The following OTOP1 variants were observed in gnomAD, a reference collection of about 807,000 sequenced individuals.
OTOP1 encodes the protein proton channel OTOP1.
In OTOP1, 59 loss-of-function variants were observed where a neutral mutation model predicts 52.9. The observed-to-expected ratio is 1.12, with a 90% CI of 0.91 to 1.39. The LOEUF is 1.39. Ranked by LOEUF, OTOP1 falls within the 40% of genes most tolerant of loss-of-function variation. OTOP1 has a pLI of 0.00. For synonymous variants in OTOP1, 317 were observed against 337.7 expected (o/e 0.94, Z 0.67); for missense variants, 761 against 800.9 (o/e 0.95, Z 0.60).
chr4:4,208,257 G>A (rs1472917383), intron 2 of OTOP1, among the ~76,000 whole-genome samples: 1 of 152,168 alleles, frequency 6.6e-6, no homozygotes, highest in African/African-American at 2.4e-5. Flanking sequence ...AAATTGTGAG[G>A]GAGGTTTGTA....
At chr4:4,219,904 T>C (rs1408248123) in intron 1 of OTOP1, among the ~76,000 whole-genome samples, 6 of 143,624 alleles carry the variant, frequency 4.2e-5, no homozygotes, top group South Asian at 2.1e-4. Flanking sequence ...TGTATACACA[T>C]ATATGTGTGT....
chr4:4,189,996 T>C (rs570550695), intron 5 of OTOP1, among the ~76,000 whole-genome samples: 12 of 152,340 alleles, frequency 7.9e-5, no homozygotes, highest in African/African-American at 2.6e-4. Context: ...AGAGAAACTA[T>C]GAAATCATAA....
chr4:4,214,871 G>A (rs143927264), intron 1 of OTOP1, among the ~76,000 whole-genome samples: 1 of 152,188 alleles, frequency 6.6e-6, no homozygotes, highest in African/African-American at 2.4e-5. Context: ...CTGGAGGTTG[G>A]TTGCACAAAA....
chr4:4,192,498 T>C (rs80140694), intron 5 of OTOP1, among the ~76,000 whole-genome samples: 7 of 152,380 alleles, frequency 4.6e-5, no homozygotes, highest in Admixed American at 2.0e-4. Flanking sequence ...GTTCATTGCA[T>C]GGCAATAGAA....
intron 4 of OTOP1, among the ~76,000 whole-genome samples, chr4:4,198,384 T>TGATA (rs141024749): frequency 0.069 from 10,456 of 151,890 alleles, 474 homozygotes; most frequent in South Asian, 0.12. Context: ...GATATGTAGA[T>TGATA]GATAGATAGA....
chr4:4,193,117 T>C (rs1716549142), intron 5 of OTOP1, among the ~76,000 whole-genome samples: 1 of 152,096 alleles, frequency 6.6e-6, no homozygotes, highest in Non-Finnish European at 1.5e-5. Flanking sequence ...CTTCCATGGT[T>C]TTCTCTTGCG....
At chr4:4,216,740 G>T (rs971610025) in intron 1 of OTOP1, among the ~76,000 whole-genome samples, 2 of 152,176 alleles carry the variant, frequency 1.3e-5, no homozygotes, top group African/African-American at 4.8e-5. Context: ...GCAAGATGAG[G>T]CGAGGCAGCG....
At position 4,219,895 on chromosome 4, in the gene OTOP1, G is replaced by A. The variant is rs146844388; in HGVS notation, c.403+6567C>T. Among the ~76,000 whole-genome samples the A allele has an allele frequency of 1.9e-3, 266 of 137,988 alleles. 1 individual carries two copies. The highest frequency in any genetic ancestry group is 7.2e-3 in the African/African-American group (251 of 34,978). The allele number at this position is 137,988 out of a possible 152,430, so 90.5% of individuals were successfully genotyped here. A position where few individuals can be genotyped will look rare whatever the true frequency, so the allele number is the denominator to read the frequency against. On this transcript the variant is annotated intron_variant, in intron 1 of 5. Transcript: ENST00000296358. ...CATATATGTATATATACACATATAT[G>A]TATACACATATATGTGTGTATATAC...
At chr4:4,213,621 C>T (rs559969005) in intron 1 of OTOP1, among the ~76,000 whole-genome samples, 2 of 152,256 alleles carry the variant, frequency 1.3e-5, no homozygotes, top group South Asian at 2.1e-4. Context: ...ATGGCTCATC[C>T]ATACTGTATC....
chr4:4,218,264 C>A (rs1446620838), intron 1 of OTOP1, among the ~76,000 whole-genome samples: 7 of 151,694 alleles, frequency 4.6e-5, no homozygotes, highest in African/African-American at 1.7e-4. Flanking sequence ...TGGTGGCAAG[C>A]ACCTGTAGTC....
intron 2 of OTOP1, among the ~76,000 whole-genome samples, chr4:4,210,257 C>T (rs759454957): frequency 4.6e-4 from 70 of 152,284 alleles, no homozygotes; most frequent in Non-Finnish European, 2.8e-4. Context: ...TCCACATTGT[C>T]GCTGTATCAC....
At chr4:4,200,283 C>T (rs1716752105) in intron 4 of OTOP1, among the ~76,000 whole-genome samples, 1 of 151,904 alleles carries the variant, frequency 6.6e-6, no homozygotes, top group Admixed American at 6.6e-5. Context: ...ATCACAAGGT[C>T]AGGAGACTGA....
chr4:4,220,102 TATA>T (rs377372112), intron 1 of OTOP1, among the ~76,000 whole-genome samples: 13,048 of 85,536 alleles, frequency 0.15, 1,320 homozygotes, highest in South Asian at 0.23. Context: ...TATATATATA[TATA>T]TTTTTTTTTT....
rs757906249 is a variant in OTOP1 at position 4,197,486 on chromosome 4, C to T, written c.1348G>A (p.Glu450Lys). Residue 450 changes from glutamate to lysine, a missense_variant, in exon 5 of 6, where the codon GAG becomes AAG. Glu to Lys is a moderately conservative substitution (Grantham distance 56). Coordinates refer to ENST00000296358, the MANE Select transcript of OTOP1 (RefSeq NM_177998.3). ...ATGTCCTCAGAGAGTTTTTCAGGCT[C>T]TCGGTGAATGGATTCAAAGATGAAG... Reference protein sequence around the residue: ...NLFIFESIHREPEKLSEDIQT... With the variant: ...NLFIFESIHRKPEKLSEDIQT... 9.9e-6 allele frequency: 16 copies of T among 1,613,988 alleles called. No individual in the cohort carries two copies. In the African/African-American group the frequency reaches 1.3e-4, roughly 13 times the overall value.
At chr4:4,189,464 C>T (rs945221621) in intron 5 of OTOP1, among the ~76,000 whole-genome samples, 3 of 152,176 alleles carry the variant, frequency 2.0e-5, no homozygotes, top group Non-Finnish European at 4.4e-5. Context: ...GCTCCTCACT[C>T]CCGCTTCCGG....
At chr4:4,212,465 C>A (rs1380932868) in intron 2 of OTOP1, among the ~76,000 whole-genome samples, 2 of 152,192 alleles carry the variant, frequency 1.3e-5, no homozygotes, top group African/African-American at 2.4e-5. Flanking sequence ...ATTTTGGCAA[C>A]TGTTGCATAA....
chr4:4,194,587 C>A (rs1270735957), intron 5 of OTOP1, among the ~76,000 whole-genome samples: 2 of 152,256 alleles, frequency 1.3e-5, no homozygotes, highest in Non-Finnish European at 2.9e-5. Context: ...ACCTTCCCAA[C>A]TTTGCGTTCT....
At chr4:4,201,473 C>CACACAT (rs1449708707) in intron 4 of OTOP1, among the ~76,000 whole-genome samples, 34 of 145,006 alleles carry the variant, frequency 2.3e-4, no homozygotes, top group African/African-American at 7.5e-4. Context: ...TATATATATA[C>CACACAT]ACACACACAC....
At chr4:4,200,205 G>T (rs1450481636) in intron 4 of OTOP1, among the ~76,000 whole-genome samples, 2 of 152,078 alleles carry the variant, frequency 1.3e-5, no homozygotes, top group Admixed American at 1.3e-4. Context: ...TATAAAATCT[G>T]AGAAAAGCAG....
Sources: gnomAD v4.1 joint callset for allele counts (sites outside exome capture counted in the v4.1 genomes callset) on GRCh38, gnomAD v4.1.1 for gene constraint, MANE v1.5 for transcripts, NCBI Gene and HGNC (gene_info 2026-07-23, HGNC 2026-07-21) for gene names.